RPS6KC1: variants seen among roughly 807,000 people sequenced by gnomAD.
RPS6KC1 encodes ribosomal protein S6 kinase C1.
In RPS6KC1, 54 loss-of-function variants were observed where a neutral mutation model predicts 103.8. That is an observed-to-expected ratio of 0.52 (90% CI 0.42 to 0.65). RPS6KC1 has a LOEUF of 0.65. Among genes scored for constraint, RPS6KC1 ranks in the 30% least tolerant of loss-of-function variants. The pLI is 0.00. For synonymous variants in RPS6KC1, 439 were observed against 438.7 expected, an observed-to-expected ratio of 1.00 and a Z score of -0.01; for missense variants, 1,151 against 1,253.8, an observed-to-expected ratio of 0.92 and a Z score of 1.24.
chr1:213,811,109 A>C, the RPS6KC1 span, among the ~76,000 whole-genome samples: 1 of 152,322 alleles, frequency 6.6e-6, no homozygotes, highest in African/African-American at 2.4e-5. Context: ...CTCTACTTAC[A>C]ACTCCAGAGC....
At chr1:213,191,852 C>T (rs747383684) in intron 8 of RPS6KC1, among the ~76,000 whole-genome samples, 14 of 151,812 alleles carry the variant, frequency 9.2e-5, no homozygotes, top group African/African-American at 2.4e-4. Flanking sequence ...CTCTGTCGCT[C>T]GGCTGGAGTG....
Position 213,191,452 on chromosome 1 carries a change from G to A in RPS6KC1, c.1044+14960G>A, listed in dbSNP as rs12090882. 4.4e-3 allele frequency among the ~76,000 whole-genome samples: 669 copies of A among 152,150 alleles called. 8 individuals are homozygous for A. Among genetic ancestry groups the A allele is most frequent in the African/African-American group, 0.015 (624 of 41,502 alleles). The stretch of plus-strand genomic sequence containing the variant: ...CTTTTTCAGATTGTTTGCTGTTGGC[G>A]TATAGACATGCTACTAATTTTTGTA... On this transcript the variant is annotated intron_variant, in intron 8 of 14. Transcript: ENST00000366960.
intron 6 of RPS6KC1, among the ~76,000 whole-genome samples, chr1:213,160,523 T>A (rs974810491): frequency 6.6e-6 from 1 of 152,198 alleles, no homozygotes; most frequent in Non-Finnish European, 1.5e-5. Context: ...TTCCCTGACA[T>A]GCATTTTATG....
At chr1:213,352,879 G>A in the RPS6KC1 span, among the ~76,000 whole-genome samples, 1 of 152,206 alleles carries the variant, frequency 6.6e-6, no homozygotes, top group Non-Finnish European at 1.5e-5. Flanking sequence ...ATGCAAGAAG[G>A]TGTGGAAGAT....
the RPS6KC1 span, among the ~76,000 whole-genome samples, chr1:213,608,238 C>T: frequency 6.6e-6 from 1 of 152,052 alleles, no homozygotes; most frequent in African/African-American, 2.4e-5. Flanking sequence ...GACGGTGCCC[C>T]GGGGTTCCAC....
At chr1:213,745,171 A>G in the RPS6KC1 span, among the ~76,000 whole-genome samples, 1 of 152,144 alleles carries the variant, frequency 6.6e-6, no homozygotes, top group African/African-American at 2.4e-5. Flanking sequence ...TGGAAGAAAA[A>G]TAGGTTGAAG....
intron 6 of RPS6KC1, among the ~76,000 whole-genome samples, chr1:213,152,338 C>G (rs1016376597): frequency 3.4e-5 from 5 of 146,402 alleles, no homozygotes; most frequent in African/African-American, 9.8e-5. Flanking sequence ...CTGACCCCCC[C>G]CACCTCCCTC....
the RPS6KC1 span, among the ~76,000 whole-genome samples, chr1:213,548,581 A>T: frequency 2.0e-5 from 3 of 152,214 alleles, no homozygotes; most frequent in Non-Finnish European, 4.4e-5. Context: ...GAATCGCTTG[A>T]ACCTGGGAGG....
the RPS6KC1 span, among the ~76,000 whole-genome samples, chr1:213,441,898 C>A: frequency 9.9e-5 from 15 of 152,240 alleles, no homozygotes; most frequent in Non-Finnish European, 8.8e-5. Context: ...GTTATGTTAA[C>A]TAGCTTGATT....
chr1:213,536,188 G>T, the RPS6KC1 span, among the ~76,000 whole-genome samples: 1 of 152,042 alleles, frequency 6.6e-6, no homozygotes, highest in Admixed American at 6.6e-5. Flanking sequence ...AAAGTGTTTC[G>T]GCCCTTCAGG....
chr1:213,656,814 A>G, the RPS6KC1 span, among the ~76,000 whole-genome samples: 1 of 152,242 alleles, frequency 6.6e-6, no homozygotes, highest in African/African-American at 2.4e-5. Flanking sequence ...GACACAGTGT[A>G]AGAGAATGTT....
At chr1:213,660,823 A>T in the RPS6KC1 span, among the ~76,000 whole-genome samples, 1 of 152,234 alleles carries the variant, frequency 6.6e-6, no homozygotes, top group African/African-American at 2.4e-5. Context: ...GCGATGAAAT[A>T]ATGCAACTGG....
chr1:213,830,673 A>T, the RPS6KC1 span, among the ~76,000 whole-genome samples: 829 of 113,396 alleles, frequency 7.3e-3, 6 homozygotes, highest in African/African-American at 0.024. Flanking sequence ...CACATTCTTT[A>T]AAAAAAAAAA....
the RPS6KC1 span, among the ~76,000 whole-genome samples, chr1:213,752,164 T>C: frequency 6.6e-6 from 1 of 152,142 alleles, no homozygotes; most frequent in African/African-American, 2.4e-5. Context: ...TCAGAGAAAA[T>C]ACCCTTCGAT....
the RPS6KC1 span, among the ~76,000 whole-genome samples, chr1:213,681,754 C>T: frequency 3.4e-4 from 52 of 152,078 alleles, no homozygotes; most frequent in Non-Finnish European, 7.1e-4. Flanking sequence ...GCTTTGATTG[C>T]ACCACTGCAC....
the RPS6KC1 span, among the ~76,000 whole-genome samples, chr1:213,365,667 C>T: frequency 6.6e-6 from 1 of 152,196 alleles, no homozygotes; most frequent in Admixed American, 6.5e-5. Flanking sequence ...ATGGGGCTTC[C>T]AGTCCAACAG....
At chr1:213,142,201 C>G (rs908608575) in intron 6 of RPS6KC1, among the ~76,000 whole-genome samples, 1 of 151,956 alleles carries the variant, frequency 6.6e-6, no homozygotes, top group African/African-American at 2.4e-5. Flanking sequence ...GAACCCTGCT[C>G]TTTTTTGTTT....
chr1:213,263,385 T>A (rs2094843181), intron 14 of RPS6KC1, among the ~76,000 whole-genome samples: 1 of 152,308 alleles, frequency 6.6e-6, no homozygotes, highest in East Asian at 1.9e-4. Context: ...GGAACTCCAG[T>A]GAACTTCTTA....
the RPS6KC1 span, among the ~76,000 whole-genome samples, chr1:213,363,807 T>C: frequency 1.1e-5 from 1 of 90,254 alleles, no homozygotes; most frequent in African/African-American, 6.5e-5. Context: ...TCTTTCTTTC[T>C]TTCTTTCTTC....
Sources: gnomAD v4.1 joint callset for allele counts (sites outside exome capture counted in the v4.1 genomes callset) on GRCh38, gnomAD v4.1.1 for gene constraint, MANE v1.5 for transcripts, NCBI Gene and HGNC (gene_info 2026-07-23, HGNC 2026-07-21) for gene names.